Variants in RGS12 observed in about 807,000 individuals in gnomAD.
RGS12 encodes the protein regulator of G-protein signaling 12.
Under a neutral mutation model 120.1 loss-of-function variants are expected in RGS12, and 66 were observed. The ratio of observed to expected loss-of-function variants is 0.55; its 90% CI spans 0.45 to 0.67. The LOEUF (loss-of-function observed/expected upper bound fraction) is 0.67. Ranked by LOEUF, RGS12 falls within the 30% of genes least tolerant of loss-of-function variation. The pLI, the probability that RGS12 is intolerant of heterozygous loss-of-function variation, is 0.00. For missense variants in RGS12, 1,859 were observed against 1,957.7 expected (o/e 0.95, Z 0.95); for synonymous variants, 827 against 804.7 (o/e 1.03, Z -0.47).
chr4:3,331,286 T>C (rs1200921679), intron 2 of RGS12, among the ~76,000 whole-genome samples: 3 of 152,244 alleles, frequency 2.0e-5, no homozygotes, highest in African/African-American at 7.2e-5. Context: ...ACACTCCAAA[T>C]GGGTAATAGT....
intron 1 of RGS12, among the ~76,000 whole-genome samples, chr4:3,304,126 A>G (rs1723839247): frequency 1.3e-5 from 2 of 152,236 alleles, no homozygotes; most frequent in African/African-American, 4.8e-5. Flanking sequence ...CCTGATGCTC[A>G]GCCTCTTGGT....
intron 14 of RGS12, among the ~76,000 whole-genome samples, chr4:3,427,735 C>CA (rs1416730288): frequency 2.0e-5 from 3 of 148,244 alleles, no homozygotes; most frequent in African/African-American, 7.5e-5. Flanking sequence ...GACTCTGTCT[C>CA]AAAAAAAGAA....
chr4:3,317,635 G>C lies in RGS12; in HGVS notation c.1465G>C (p.Ala489Pro). Reference sequence around the variant, plus strand: ...CGAAGGGAGCCCCCCATTTGAGGCCGCTCATCAGACTGACAGGTTCTGGGA... The same window carrying C: ...CGAAGGGAGCCCCCCATTTGAGGCCCCTCATCAGACTGACAGGTTCTGGGA... ...DPEGSPPFEA[A>P]HQTDRFWDLN... Residue 489 changes from alanine to proline, a missense_variant, in exon 2 of 18, where the codon GCT becomes CCT. Ala to Pro is a conservative substitution (Grantham distance 27). Coordinates refer to ENST00000336727, the MANE Select transcript of RGS12 (RefSeq NM_001394154.1). The C allele has an allele frequency of 6.3e-7, 1 of 1,590,912 alleles. No individual in the cohort carries two copies. Among genetic ancestry groups the C allele is most frequent in the Non-Finnish European group, 8.6e-7 (1 of 1,166,670 alleles).
At chr4:3,314,169 T>A (rs1724584850) in intron 1 of RGS12, 1 of 152,050 alleles carries the variant, frequency 6.6e-6, no homozygotes, top group African/African-American at 2.4e-5. Context: ...TTTTTACTCT[T>A]TTCCATCAAA....
upstream of RGS12, among the ~76,000 whole-genome samples, chr4:3,291,856 C>T (rs1723040914): frequency 6.6e-6 from 1 of 152,230 alleles, no homozygotes; most frequent in Non-Finnish European, 1.5e-5. Context: ...GCTCCCGGAC[C>T]GCGCCTCTGC....
At chr4:3,303,076 T>C (rs1578678561) in intron 1 of RGS12, among the ~76,000 whole-genome samples, 1 of 152,042 alleles carries the variant, frequency 6.6e-6, no homozygotes, top group African/African-American at 2.4e-5. Flanking sequence ...AGGAAAATCA[T>C]GGGGCCACGA....
chr4:3,414,145 G>T lies in RGS12; in HGVS notation c.2094G>T (p.Val698=). The T allele has an allele frequency of 6.4e-7, 1 of 1,566,796 alleles. No individual in the cohort carries two copies. The highest frequency in any genetic ancestry group is 8.6e-7 in the Non-Finnish European group (1 of 1,162,330). Residue 698 remains valine, a synonymous_variant, in exon 5 of 18, where the codon GTG becomes GTT. Transcript: ENST00000336727. ...GCAGCAATGCCAGCCTCCCCAGCGT[G>T]CAGAGCTGCCGGCGCCTGCGTGAGA... ...SLSSNASLPS[V]QSCRRLRERR... is the part of the protein sequence containing the mutation.
chr4:3,361,660 C>T (rs561664259), intron 3 of RGS12, among the ~76,000 whole-genome samples: 2 of 152,186 alleles, frequency 1.3e-5, no homozygotes, highest in African/African-American at 2.4e-5. Context: ...GAGGAGCTCC[C>T]GAGGCAAGAG....
At chr4:3,327,557 T>A (rs946393159) in intron 2 of RGS12, among the ~76,000 whole-genome samples, 1 of 152,152 alleles carries the variant, frequency 6.6e-6, no homozygotes, top group Admixed American at 6.5e-5. Flanking sequence ...CCAGAATATA[T>A]GAGCACTCAA....
chr4:3,340,045 C>A (rs1051958454), intron 2 of RGS12, among the ~76,000 whole-genome samples: 2 of 152,244 alleles, frequency 1.3e-5, no homozygotes, highest in Non-Finnish European at 2.9e-5. Flanking sequence ...TAGCAGTGGA[C>A]TGAACATTTC....
In RGS12 at chr4:3,424,424, G is replaced by A. The variant is rs544216379; in HGVS notation, c.3234+783G>A. ...GAGGGTAACCTGAAGCCTCTTCCCC[G>A]CGCTGCAGGCTCCATCCTGGAGTCC... is the stretch of plus-strand genomic sequence containing the variant. On this transcript the variant is annotated intron_variant, in intron 13 of 17. Transcript: ENST00000336727. Among the ~76,000 whole-genome samples, 7 of 152,342 alleles carry A rather than the reference G, an allele frequency of 4.6e-5. No homozygotes were observed. The East Asian group carries it at 5.8e-4, about 13-fold the overall frequency.
intron 1 of RGS12, among the ~76,000 whole-genome samples, chr4:3,312,148 G>T (rs1183523324): frequency 1.3e-5 from 2 of 152,080 alleles, no homozygotes; most frequent in Admixed American, 1.3e-4. Flanking sequence ...TAGCCCCGAT[G>T]GTGTAATGGA....
At chr4:3,350,169 A>G (rs1411646992) in intron 3 of RGS12, among the ~76,000 whole-genome samples, 1 of 152,234 alleles carries the variant, frequency 6.6e-6, no homozygotes, top group Non-Finnish European at 1.5e-5. Context: ...AATTTTGATT[A>G]AACTAACAGT....
intron 4 of RGS12, among the ~76,000 whole-genome samples, chr4:3,405,396 A>G (rs114350396): frequency 1.0e-3 from 157 of 152,350 alleles, no homozygotes; most frequent in African/African-American, 3.7e-3. Context: ...AGCCAGTCAC[A>G]AAGAAACATC....
At position 3,389,896 on chromosome 4, in the gene RGS12, C is replaced by T. The variant is rs761748354; in HGVS notation, c.2020+3459C>T. ...CTGGGGACCCCCGACACGTACTAGT[C>T]GCAGTCCTCCATCCCCATGTCCTCC... On this transcript the variant is annotated intron_variant, in intron 4 of 17. Transcript: ENST00000336727. This position sits in a 1 kb window ranked among gnomAD's most constrained non-coding sequence, Gnocchi z 5.2. Among the ~76,000 whole-genome samples the T allele has an allele frequency of 1.3e-5, 2 of 152,214 alleles. No homozygotes were observed. Among genetic ancestry groups the T allele is most frequent in the East Asian group, 1.9e-4 (1 of 5,192 alleles).
At chr4:3,377,220 C>T (rs1386428130) in intron 3 of RGS12, among the ~76,000 whole-genome samples, 2 of 152,020 alleles carry the variant, frequency 1.3e-5, no homozygotes, top group African/African-American at 2.4e-5. Flanking sequence ...TATAGGCACA[C>T]ACCACCACAC....
chr4:3,307,859 T>A (rs1309867935), intron 1 of RGS12, among the ~76,000 whole-genome samples: 2 of 152,250 alleles, frequency 1.3e-5, no homozygotes, highest in African/African-American at 4.8e-5. Context: ...ACAGTCCTTT[T>A]AAAAAGGGTC....
At chr4:3,423,193 A>G (rs1331895060) in intron 12 of RGS12, among the ~76,000 whole-genome samples, 1 of 152,174 alleles carries the variant, frequency 6.6e-6, no homozygotes, top group Non-Finnish European at 1.5e-5. Flanking sequence ...TCCCGTGAAC[A>G]GGGACTGCCC....
intron 17 of RGS12, among the ~76,000 whole-genome samples, chr4:3,435,611 G>T (rs1463341470): frequency 6.8e-6 from 1 of 147,952 alleles, no homozygotes; most frequent in Admixed American, 6.9e-5. Context: ...CCTGGCTCCT[G>T]CCCAGCTCCG....
Sources: gnomAD v4.1 joint callset for allele counts (sites outside exome capture counted in the v4.1 genomes callset) on GRCh38, gnomAD v4.1.1 for gene constraint, Gnocchi (gnomAD v3.1) non-coding constraint, MANE v1.5 for transcripts, NCBI Gene and HGNC (gene_info 2026-07-23, HGNC 2026-07-21) for gene names.